Variants in SHOX observed in about 807,000 individuals in gnomAD.
The protein encoded by SHOX is SHOX homeobox.
SHOX carries 12 observed loss-of-function variants against 29.6 expected under a neutral mutation model. That is an observed-to-expected ratio of 0.41 (90% CI 0.26 to 0.66). The LOEUF (loss-of-function observed/expected upper bound fraction) is 0.66. SHOX is among the 30% of genes least tolerant of loss of function. The pLI is 0.35. For missense variants in SHOX, 499 were observed against 437.7 expected (o/e 1.14, Z -1.25); for synonymous variants, 214 against 200.6 (o/e 1.07, Z -0.57).
chrX:644,963 A>G lies in SHOX; in HGVS notation c.*327A>G, dbSNP rs1156476023. 8.9e-6 allele frequency: 3 copies of G among 336,580 alleles called. No homozygotes were observed. The East Asian group carries it at 1.6e-4, about 18-fold the overall frequency. 20.8% of individuals were successfully genotyped at this position (336,580 alleles called of 1,614,324 possible). On this transcript the variant is annotated 3_prime_UTR_variant, in exon 5 of 5. Transcript: ENST00000686671. ...GCTGCGTCTTCCTCTGCTATACCCTATGCATGCGGTTAACTACACACGTTT... is the reference window on the plus strand; with the variant it reads ...GCTGCGTCTTCCTCTGCTATACCCTGTGCATGCGGTTAACTACACACGTTT...
intron 4 of SHOX, among the ~76,000 whole-genome samples, chrX:642,353 A>G (rs1448096888): frequency 2.6e-5 from 4 of 150,968 alleles, no homozygotes; most frequent in Non-Finnish European, 5.9e-5. Context: ...TCACCGTTTT[A>G]TTCCAAGGGG....
Position 630,793 on chromosome X carries a change from A to C in SHOX, c.-105A>C. On this transcript the variant is annotated 5_prime_UTR_variant, in exon 1 of 5. Transcript: ENST00000686671. ...AGTGAGATTTCCAATGGAAAGGCGTAAATAACAGCGCTGGTGATCCACCCG... is the reference window on the plus strand; with the variant it reads ...AGTGAGATTTCCAATGGAAAGGCGTCAATAACAGCGCTGGTGATCCACCCG... The C allele has an allele frequency of 7.2e-7, 1 of 1,395,840 alleles. No individual in the cohort carries two copies. The highest frequency in any genetic ancestry group is 1.2e-5 in the South Asian group (1 of 85,306). 86.5% of individuals were successfully genotyped at this position (1,395,840 alleles called of 1,614,324 possible).
chrX:653,503 G>A (rs962527651), downstream of SHOX, among the ~76,000 whole-genome samples: 41 of 151,964 alleles, frequency 2.7e-4, no homozygotes, highest in Admixed American at 2.4e-3. Context: ...CCTGGATATC[G>A]CTTCCAGATC....
In SHOX at chrX:646,425, A is replaced by T. The variant is rs1000213508; in HGVS notation, c.*1789A>T. 3 of 151,486 alleles carry T rather than the reference A, an allele frequency of 2.0e-5. No individual in the cohort carries two copies. Among genetic ancestry groups the T allele is most frequent in the African/African-American group, 7.3e-5 (3 of 41,160 alleles). The allele number at this position is 151,486 out of a possible 1,614,324, so 9.4% of individuals were successfully genotyped here. On this transcript the variant is annotated 3_prime_UTR_variant, in exon 5 of 5. Transcript: ENST00000686671. The stretch of plus-strand genomic sequence containing the variant: ...CTTCTCCCAACATTTACTAACATCC[A>T]CTGGTCAACTCTCTTATTTCCATAA...
intron 2 of SHOX, among the ~76,000 whole-genome samples, chrX:640,201 T>C (rs1214047852): frequency 2.7e-5 from 4 of 148,896 alleles, no homozygotes. Flanking sequence ...AAACGTTAGC[T>C]AGGTGTGGTG....
chrX:634,757 C>T lies in SHOX; in HGVS notation c.417C>T (p.Thr139=). The T allele has an allele frequency of 1.9e-6, 3 of 1,610,880 alleles. No individual in the cohort carries two copies. The highest frequency in any genetic ancestry group is 2.5e-6 in the Non-Finnish European group (3 of 1,178,694). The change falls in exon 2 of 5, where the codon ACC becomes ACT. Residue 139 remains threonine (T), a synonymous_variant. Transcript: ENST00000686671. ...AGCTCGAGCGACTCTTCGACGAGAC[C>T]CATTACCCCGACGCCTTCATGCGCG... ...LNELERLFDE[T]HYPDAFMREE...
intron 4 of SHOX, among the ~76,000 whole-genome samples, chrX:644,106 G>C (rs2052918418): frequency 6.6e-6 from 1 of 152,130 alleles, no homozygotes; most frequent in Admixed American, 6.5e-5. Flanking sequence ...AGCGCATCGG[G>C]AGCTCCCCCT....
At chrX:634,364 A>G (rs2052703733) in intron 1 of SHOX, among the ~76,000 whole-genome samples, 1 of 152,228 alleles carries the variant, frequency 6.6e-6, no homozygotes, top group South Asian at 2.1e-4. Flanking sequence ...GGTTATGTCA[A>G]CAGAGGTGAA....
upstream of SHOX, chrX:630,420 C>T (rs1366138675): frequency 1.3e-5 from 2 of 159,186 alleles, no homozygotes; most frequent in African/African-American, 4.8e-5. Flanking sequence ...CTGGGACCCT[C>T]CTCTCTCCAG....
chrX:630,198 C>T (rs2052621191), upstream of SHOX, among the ~76,000 whole-genome samples: 1 of 152,098 alleles, frequency 6.6e-6, no homozygotes, highest in African/African-American at 2.4e-5. Flanking sequence ...TTCTCACTTT[C>T]GGGGATTCTC....
At position 650,279 on chromosome X, in the gene SHOX, A is replaced by G; in HGVS notation, c.*5643A>G. Among the ~76,000 whole-genome samples the G allele has an allele frequency of 6.6e-6, 1 of 152,340 alleles. No individual in the cohort carries two copies. The highest frequency in any genetic ancestry group is 1.5e-5 in the Non-Finnish European group (1 of 68,030). On this transcript the variant is annotated 3_prime_UTR_variant, in exon 5 of 5. Transcript: ENST00000686671. ...CGGGCTTGGTGTCTCCCGTACGGGAAGGAGGCCTTTGGGCCGCTCCAAAGA... is the reference window on the plus strand; with the variant it reads ...CGGGCTTGGTGTCTCCCGTACGGGAGGGAGGCCTTTGGGCCGCTCCAAAGA...
downstream of SHOX, among the ~76,000 whole-genome samples, chrX:654,414 A>T (rs187786312): frequency 2.0e-5 from 3 of 152,272 alleles, no homozygotes; most frequent in East Asian, 5.8e-4. Context: ...CACCTAACAC[A>T]TAAGGACTTG....
chrX:627,964 G>T (rs746002787), upstream of SHOX, among the ~76,000 whole-genome samples: 8 of 152,214 alleles, frequency 5.3e-5, no homozygotes, highest in African/African-American at 1.9e-4. Context: ...AGATGGGGAG[G>T]CCTTTAGAAG....
At chrX:634,572 CA>C (rs1313494502) in intron 1 of SHOX, 45 bp from the exon 2 acceptor site, 8 of 1,604,086 alleles carry the variant, frequency 5.0e-6, no homozygotes, top group Non-Finnish European at 6.8e-6. Flanking sequence ...CCACGTTGCG[CA>C]AAACCTCCCC....
At position 644,525 on chromosome X, in the gene SHOX, C is replaced by G. The variant is rs974381093; in HGVS notation, c.768C>G (p.Ser256=). 6.6e-7 allele frequency: 1 copy of G among 1,518,304 alleles called. No individual in the cohort carries two copies. Among genetic ancestry groups the G allele is most frequent in the African/African-American group, 1.4e-5 (1 of 70,442 alleles). The allele number at this position is 1,518,304 out of a possible 1,614,324, so 94.1% of individuals were successfully genotyped here. A position where few individuals can be genotyped will look rare whatever the true frequency, so the allele number is the denominator to read the frequency against. ...FGLPIASLAE[S]ASAAAVVAAA... ...TGCCCATCGCGTCGCTGGCCGAGTC[C>G]GCCTCGGCCGCCGCCGTGGTCGCCG... Residue 256 remains serine (S), a synonymous_variant, in exon 5 of 5, where the codon TCC becomes TCG. Coordinates refer to ENST00000686671, the MANE Select transcript of SHOX (RefSeq NM_000451.4).
At chrX:655,640 A>C (rs1369594987), downstream of SHOX, among the ~76,000 whole-genome samples, 11 of 103,552 alleles carry the variant, frequency 1.1e-4, no homozygotes, top group East Asian at 2.5e-4. Context: ...ATATATATAT[A>C]TATATATATA....
At chrX:639,513 T>A (rs1306349326) in intron 2 of SHOX, among the ~76,000 whole-genome samples, 1 of 152,142 alleles carries the variant, frequency 6.6e-6, no homozygotes, top group Non-Finnish European at 1.5e-5. Flanking sequence ...ACCCTCTCCG[T>A]TTGTGGCTAA....
chrX:629,995 G>T (rs1364062008), upstream of SHOX, among the ~76,000 whole-genome samples: 1 of 152,190 alleles, frequency 6.6e-6, no homozygotes, highest in Non-Finnish European at 1.5e-5. Context: ...AAGGGAGGAG[G>T]CCTCGCGCCG....
upstream of SHOX, among the ~76,000 whole-genome samples, chrX:625,803 GTGTCTC>G (rs1002414168): frequency 3.5e-4 from 42 of 118,712 alleles, no homozygotes; most frequent in Non-Finnish European, 6.3e-4. Context: ...TCCTCTCTCT[GTGTCTC>G]TGTCTCTGTC....
Sources: gnomAD v4.1 joint callset for allele counts (sites outside exome capture counted in the v4.1 genomes callset) on GRCh38, gnomAD v4.1.1 for gene constraint, MANE v1.5 for transcripts, NCBI Gene and HGNC (gene_info 2026-07-23, HGNC 2026-07-21) for gene names.